KLRG1: variants seen among roughly 807,000 people sequenced by gnomAD.
KLRG1 encodes the protein killer cell lectin like receptor G1, also known as killer cell lectin-like receptor subfamily G member 1.
KLRG1 carries 16 observed loss-of-function variants against 21.8 expected under a neutral mutation model. The observed-to-expected ratio is 0.73, with a 90% CI of 0.50 to 1.11. The LOEUF is 1.11. Ranked by LOEUF, KLRG1 falls within the 50% of genes most tolerant of loss-of-function variation. The pLI is 0.00. For synonymous variants in KLRG1, 69 were observed against 75.9 expected (o/e 0.91, Z 0.47); for missense variants, 173 against 218.3 (o/e 0.79, Z 1.31).
the KLRG1 span, among the ~76,000 whole-genome samples, chr12:9,018,393 A>G: frequency 1.3e-5 from 2 of 152,310 alleles, no homozygotes; most frequent in South Asian, 4.1e-4. Flanking sequence ...GAGCTATAGT[A>G]ACTAGAACAG....
intron 1 of KLRG1, among the ~76,000 whole-genome samples, chr12:8,972,492 T>C (rs1473418864): frequency 6.6e-6 from 1 of 152,250 alleles, no homozygotes; most frequent in East Asian, 1.9e-4. Context: ...AATTTTTATA[T>C]GGTGTGAGTT....
Position 9,010,032 on chromosome 12 carries a change from A to C in KLRG1, c.*495A>C. On this transcript the variant is annotated 3_prime_UTR_variant, in exon 5 of 5. Coordinates refer to ENST00000356986, the MANE Select transcript of KLRG1 (RefSeq NM_005810.4). Reference sequence around the variant, plus strand: ...TGCAGATCAAGCTTTATTCTGAAGAATAAACCTAGCTGGCATGCTGGTGTG... The same window carrying C: ...TGCAGATCAAGCTTTATTCTGAAGACTAAACCTAGCTGGCATGCTGGTGTG... The C allele has an allele frequency of 1.3e-6, 2 of 1,533,044 alleles. No individual in the cohort carries two copies. Among genetic ancestry groups the C allele is most frequent in the Non-Finnish European group, 1.7e-6 (2 of 1,145,074 alleles). The allele number at this position is 1,533,044 out of a possible 1,614,324, so 95.0% of individuals were successfully genotyped here. A position where few individuals can be genotyped will look rare whatever the true frequency, so the allele number is the denominator to read the frequency against.
the KLRG1 span, chr12:9,149,133 C>T: frequency 3.2e-5 from 24 of 742,348 alleles, no homozygotes; most frequent in Non-Finnish European, 4.7e-5. Flanking sequence ...GGTTTATATG[C>T]CATGTGGTCT....
chr12:9,080,106 C>G, the KLRG1 span: 3 of 1,586,026 alleles, frequency 1.9e-6, no homozygotes, highest in Admixed American at 1.8e-5. Context: ...AAAACTGAGA[C>G]AGAAGCTCGG....
chr12:9,101,576 G>T, the KLRG1 span: 18 of 1,613,890 alleles, frequency 1.1e-5, no homozygotes, highest in African/African-American at 2.0e-4. Flanking sequence ...CAAAGCTCTT[G>T]CTTGGGGAGA....
the KLRG1 span, among the ~76,000 whole-genome samples, chr12:9,039,152 G>A: frequency 7.9e-5 from 12 of 152,302 alleles, no homozygotes; most frequent in South Asian, 2.1e-4. Flanking sequence ...TAAAGTAGAC[G>A]ATTGCTAAAT....
the KLRG1 span, chr12:9,201,492 G>A: frequency 1.7e-6 from 1 of 601,874 alleles, no homozygotes; most frequent in Non-Finnish European, 2.9e-6. Flanking sequence ...AAAAATCTCA[G>A]GGAAATTATT....
At chr12:9,068,684 C>T in the KLRG1 span, 1 of 1,377,372 alleles carries the variant, frequency 7.3e-7, no homozygotes, top group Non-Finnish European at 1.0e-6. Flanking sequence ...TCTCCTAAAC[C>T]TGAATTTCTG....
At chr12:9,189,162 G>A in the KLRG1 span, among the ~76,000 whole-genome samples, 33 of 152,140 alleles carry the variant, frequency 2.2e-4, no homozygotes, top group African/African-American at 5.3e-4. Context: ...AAATGTATAT[G>A]GAACTAAAAA....
At chr12:8,950,344 CAGAGGTTACTTCTGCA>C (rs1946175577) in intron 1 of KLRG1, 1 of 152,198 alleles carries the variant, frequency 6.6e-6, no homozygotes, top group Non-Finnish European at 1.5e-5. Flanking sequence ...CTCTGTTCGC[CAGAGGTTACTTCTGCA>C]AAGTAGGAAG....
chr12:8,979,933 C>T (rs1264296103), intron 1 of KLRG1, among the ~76,000 whole-genome samples: 3 of 152,058 alleles, frequency 2.0e-5, no homozygotes, highest in Non-Finnish European at 4.4e-5. Flanking sequence ...TGGAGTTTTG[C>T]TCTGTTGCCC....
chr12:9,022,514 G>A, the KLRG1 span, among the ~76,000 whole-genome samples: 4 of 152,214 alleles, frequency 2.6e-5, no homozygotes, highest in South Asian at 2.1e-4. Flanking sequence ...TGGGATCTCC[G>A]GAGTGGTAAG....
chr12:8,993,598 G>T (rs1464834613), intron 2 of KLRG1, among the ~76,000 whole-genome samples: 1 of 152,048 alleles, frequency 6.6e-6, no homozygotes. Context: ...GATTTATTAG[G>T]ATTCTAAGAG....
the KLRG1 span, chr12:9,106,241 CAA>C: frequency 1.2e-6 from 2 of 1,603,392 alleles, no homozygotes; most frequent in Non-Finnish European, 1.7e-6. Context: ...TCCACCTGCC[CAA>C]AGAAGGGAAT....
chr12:9,160,389 CAT>C, the KLRG1 span: 6 of 1,614,174 alleles, frequency 3.7e-6, no homozygotes, highest in Non-Finnish European at 1.7e-6. Context: ...TAGTTCAAGA[CAT>C]AGATGTTAGG....
chr12:9,110,860 G>A, the KLRG1 span, among the ~76,000 whole-genome samples: 1 of 151,848 alleles, frequency 6.6e-6, no homozygotes, highest in African/African-American at 2.4e-5. Context: ...GAACTTACTA[G>A]GCCTTCAGCA....
chr12:9,069,802 A>G, the KLRG1 span: 1 of 1,613,450 alleles, frequency 6.2e-7, no homozygotes, highest in Non-Finnish European at 8.5e-7. Context: ...TCACATGGTT[A>G]GATCTTTCAA....
At chr12:9,056,291 T>G in the KLRG1 span, among the ~76,000 whole-genome samples, 1 of 152,116 alleles carries the variant, frequency 6.6e-6, no homozygotes, top group African/African-American at 2.4e-5. Context: ...GGGAAATATA[T>G]AGACATGGTC....
chr12:9,001,430 G>T (rs979009175), intron 3 of KLRG1, among the ~76,000 whole-genome samples: 6 of 152,110 alleles, frequency 3.9e-5, no homozygotes, highest in African/African-American at 1.4e-4. Flanking sequence ...CCCAGCTACA[G>T]GTTTTTCCCC....
Sources: gnomAD v4.1 joint callset for allele counts (sites outside exome capture counted in the v4.1 genomes callset) on GRCh38, gnomAD v4.1.1 for gene constraint, MANE v1.5 for transcripts, NCBI Gene and HGNC (gene_info 2026-07-23, HGNC 2026-07-21) for gene names.